CSMD1: variants seen among roughly 807,000 people sequenced by gnomAD.
CSMD1 encodes CUB and Sushi multiple domains 1.
In CSMD1, 213 loss-of-function variants were observed where a neutral mutation model predicts 417.5. The observed-to-expected ratio is 0.51, with a 90% CI of 0.46 to 0.57. The LOEUF (loss-of-function observed/expected upper bound fraction) is 0.57, where lower values mean the gene tolerates loss of function less well. Among genes scored for constraint, CSMD1 ranks in the 20% least tolerant of loss-of-function variants. The pLI is 0.00. For missense variants in CSMD1, 6,923 were observed against 4,529.7 expected (o/e 1.53, Z -15.17); for synonymous variants, 2,862 against 1,736.8 (o/e 1.65, Z -16.11).
intron 2 of CSMD1, among the ~76,000 whole-genome samples, chr8:4,495,978 T>G (rs1216213836): frequency 6.6e-6 from 1 of 152,176 alleles, no homozygotes; most frequent in Admixed American, 6.5e-5. Context: ...GTGCAAATAG[T>G]CTGGCCTTCA....
At chr8:3,598,754 C>G (rs1304268278) in intron 8 of CSMD1, among the ~76,000 whole-genome samples, 1 of 152,094 alleles carries the variant, frequency 6.6e-6, no homozygotes, top group African/African-American at 2.4e-5. Flanking sequence ...TCCCCCCGCC[C>G]CTTCTTTTGA....
intron 3 of CSMD1, among the ~76,000 whole-genome samples, chr8:4,242,741 G>A (rs1802476388): frequency 6.6e-6 from 1 of 152,094 alleles, no homozygotes; most frequent in Non-Finnish European, 1.5e-5. Flanking sequence ...CTCTCCTGCA[G>A]GGCACAATCT....
At chr8:3,079,324 A>G (rs1198637220) in intron 49 of CSMD1, among the ~76,000 whole-genome samples, 2 of 152,188 alleles carry the variant, frequency 1.3e-5, no homozygotes, top group Middle Eastern at 3.2e-3. Flanking sequence ...TCTATATATA[A>G]AGAGAGACAC....
chr8:3,568,695 A>G lies in CSMD1; in HGVS notation c.1344+6250T>C, dbSNP rs117781740. On this transcript the variant is annotated intron_variant, in intron 10 of 69. Transcript: ENST00000635120. The stretch of plus-strand genomic sequence containing the variant: ...TCCAGCTGATATACTGTATATGTGT[A>G]TATATAGGTGTGTGTGTTTATCTAT... 4.9e-3 allele frequency among the ~76,000 whole-genome samples: 751 copies of G among 152,086 alleles called. 3 individuals are homozygous for G. Among genetic ancestry groups the G allele is most frequent in the Middle Eastern group, 0.024 (7 of 294 alleles).
At chr8:3,756,529 A>G (rs1394721277) in intron 5 of CSMD1, among the ~76,000 whole-genome samples, 2 of 152,280 alleles carry the variant, frequency 1.3e-5, no homozygotes, top group African/African-American at 2.4e-5. Flanking sequence ...TCCACATCAG[A>G]TACGATCCTA....
chr8:3,862,075 C>G (rs1474470254), intron 5 of CSMD1, among the ~76,000 whole-genome samples: 3 of 152,170 alleles, frequency 2.0e-5, no homozygotes, highest in Non-Finnish European at 4.4e-5. Flanking sequence ...ATGTGCCTTT[C>G]TTTTTGCCAT....
At chr8:4,769,526 C>G (rs1796499431) in intron 1 of CSMD1, among the ~76,000 whole-genome samples, 1 of 152,114 alleles carries the variant, frequency 6.6e-6, no homozygotes, top group Non-Finnish European at 1.5e-5. Context: ...AGAATATTTT[C>G]TTTTGAAGTA....
At chr8:3,446,632 C>T (rs535613260) in intron 12 of CSMD1, among the ~76,000 whole-genome samples, 9 of 152,040 alleles carry the variant, frequency 5.9e-5, no homozygotes, top group Admixed American at 2.0e-4. Flanking sequence ...ACAAAAGAAA[C>T]GCTGTTTGGG....
intron 49 of CSMD1, among the ~76,000 whole-genome samples, chr8:3,059,027 AT>A (rs888287454): frequency 1.8e-3 from 272 of 151,058 alleles, no homozygotes; most frequent in African/African-American, 6.3e-3. Context: ...TGTGTTGGTG[AT>A]TTTTTTTTCC....
chr8:3,689,406 G>C lies in CSMD1; in HGVS notation c.1009+19008C>G, dbSNP rs144668420. ...CCAGAGTCCCCTTCGGTTATACAAT[G>C]TTTCAGGAAGAAAGGAAATGGCGGG... is the stretch of plus-strand genomic sequence containing the variant. On this transcript the variant is annotated intron_variant, in intron 7 of 69. Transcript: ENST00000635120. Among the ~76,000 whole-genome samples, 680 of 152,294 alleles carry C rather than the reference G, an allele frequency of 4.5e-3. 8 individuals are homozygous for C. The highest frequency in any genetic ancestry group is 0.016 in the African/African-American group (645 of 41,556).
chr8:3,145,014 G>T (rs551849057), intron 40 of CSMD1, among the ~76,000 whole-genome samples: 1 of 151,748 alleles, frequency 6.6e-6, no homozygotes, highest in African/African-American at 2.4e-5. Flanking sequence ...AATGAATCTT[G>T]TTACTAATAA....
intron 2 of CSMD1, among the ~76,000 whole-genome samples, chr8:4,626,387 G>A (rs867638875): frequency 6.6e-6 from 1 of 151,910 alleles, no homozygotes; most frequent in East Asian, 1.9e-4. Flanking sequence ...ACAGATATTG[G>A]TTATAAAGTA....
Position 3,189,909 on chromosome 8 carries a change from C to T in CSMD1, c.5398+3G>A, listed in dbSNP as rs1345233375. The T allele has an allele frequency of 1.3e-6, 2 of 1,571,226 alleles. No individual in the cohort carries two copies. The highest frequency in any genetic ancestry group is 1.9e-5 in the Admixed American group (1 of 53,742). On this transcript the variant is annotated splice_donor_region_variant and intron_variant, in intron 34 of 69. Transcript: ENST00000635120. ...CGGGCAGCCGCTTAGGGACACTGCT[C>T]ACCCACACAGCTGGGGATCGTGTCG... is the stretch of plus-strand genomic sequence containing the variant.
chr8:4,714,706 G>C (rs537406472), intron 1 of CSMD1, among the ~76,000 whole-genome samples: 18 of 152,084 alleles, frequency 1.2e-4, no homozygotes, highest in Admixed American at 2.0e-4. Context: ...AAATTTACTC[G>C]AGAATACAAA....
intron 2 of CSMD1, among the ~76,000 whole-genome samples, chr8:4,600,976 G>C (rs1228520907): frequency 8.2e-6 from 1 of 121,976 alleles, no homozygotes; most frequent in Non-Finnish European, 1.7e-5. Flanking sequence ...TTTTTTTTGA[G>C]ATGAAGTTTT....
chr8:4,304,456 G>GTACTTTACTT (rs1798140355), intron 3 of CSMD1, among the ~76,000 whole-genome samples: 1 of 152,136 alleles, frequency 6.6e-6, no homozygotes, highest in Non-Finnish European at 1.5e-5. Context: ...TGACTTGCTG[G>GTACTTTACTT]AAGTCACCCA....
intron 2 of CSMD1, among the ~76,000 whole-genome samples, chr8:4,472,702 C>T (rs1279799075): frequency 6.6e-6 from 1 of 151,784 alleles, no homozygotes; most frequent in Non-Finnish European, 1.5e-5. Context: ...TTGAAATGAG[C>T]ATATTAGGTG....
In CSMD1 at chr8:3,409,350, G is replaced by T. The variant is rs540329804; in HGVS notation, c.1744+73C>A. 6.7e-5 allele frequency: 92 copies of T among 1,376,228 alleles called. No homozygotes were observed. The Middle Eastern group carries it at 9.3e-4, about 14-fold the overall frequency. The allele number at this position is 1,376,228 out of a possible 1,614,324, so 85.3% of individuals were successfully genotyped here. ...TGCCCTCCCTAAATGGGCGGTCTGT[G>T]TCTTTCTCCTTTTCTCCCCTTGCAA... On this transcript the variant is annotated intron_variant, in intron 13 of 69. Transcript: ENST00000635120.
chr8:3,467,728 G>A (rs557344240), intron 12 of CSMD1, among the ~76,000 whole-genome samples: 7 of 152,222 alleles, frequency 4.6e-5, no homozygotes, highest in South Asian at 2.1e-4. Flanking sequence ...AAGGTGTGGC[G>A]TGTTCACTCA....
Sources: gnomAD v4.1 joint callset for allele counts (sites outside exome capture counted in the v4.1 genomes callset) on GRCh38, gnomAD v4.1.1 for gene constraint, MANE v1.5 for transcripts, NCBI Gene and HGNC (gene_info 2026-07-23, HGNC 2026-07-21) for gene names.